Variants in DDX55 observed in about 807,000 individuals in gnomAD.
DDX55 encodes the protein DEAD-box helicase 55.
A neutral mutation model predicts 69.2 loss-of-function variants in DDX55; 56 were observed. That is an observed-to-expected ratio of 0.81 (90% CI 0.65 to 1.01). The LOEUF is 1.01. Among genes scored for constraint, DDX55 ranks in the 50% least tolerant of loss-of-function variants. The probability of loss-of-function intolerance (pLI) is 0.00; values close to 1 mark genes in which losing one functional copy is unlikely to be tolerated. For missense variants in DDX55, 720 were observed against 745.1 expected (o/e 0.97, Z 0.39); for synonymous variants, 268 against 273.1 (o/e 0.98, Z 0.18).
intron 3 of DDX55, 96 bp downstream of exon 3, chr12:123,606,255 G>C: frequency 6.9e-7 from 1 of 1,456,708 alleles, no homozygotes; most frequent in African/African-American, 1.4e-5. Context: ...TAGGCCAGAA[G>C]CCGTGGCTCA....
At chr12:123,616,680 A>C in intron 10 of DDX55, 77 bp downstream of exon 10, 1 of 1,438,620 alleles carries the variant, frequency 7.0e-7, no homozygotes, top group Non-Finnish European at 9.8e-7. Flanking sequence ...GAAGATAAAC[A>C]GATAATGATG....
In DDX55 at chr12:123,605,942, C is replaced by T; in HGVS notation, c.120C>T (p.Ile40=). 1 of 1,614,170 alleles carries T rather than the reference C, an allele frequency of 6.2e-7. No individual in the cohort carries two copies. The highest frequency in any genetic ancestry group is 8.5e-7 in the Non-Finnish European group (1 of 1,180,038). ...ATCTCTCTCTTTAGTCCGCAACCATCCCTCTGTTCATGCGAAACAAAGATG... is the reference window on the plus strand; with the variant it reads ...ATCTCTCTCTTTAGTCCGCAACCATTCCTCTGTTCATGCGAAACAAAGATG... ...PYMTPVQSAT[I]PLFMRNKDVA... The change falls in exon 2 of 14, where the codon ATC becomes ATT. Residue 40 remains isoleucine (I), a synonymous_variant. Transcript: ENST00000238146.
Position 123,618,709 on chromosome 12 carries a change from AC to A in DDX55, c.1207del (p.Leu403PhefsTer20). The stretch of plus-strand genomic sequence containing the variant: ...ATGAAGCCCCAGAGAAACACAGCGG[AC>A]CTTCTGCCAAAACTCAAGTCCATGG... ...QEMKPQRNTADLLPKLKSMAL... is the reference protein window; with the variant it reads ...QEMKPQRNTAXLLPKLKSMAL... On this transcript the variant is annotated frameshift_variant, in exon 12 of 14. Coordinates refer to ENST00000238146, the MANE Select transcript of DDX55 (RefSeq NM_020936.3). LOFTEE classifies it high-confidence loss of function. 2 of 1,614,120 alleles carry A rather than the reference AC, an allele frequency of 1.2e-6. No individual in the cohort carries two copies. Among genetic ancestry groups the A allele is most frequent in the South Asian group, 2.2e-5 (2 of 91,076 alleles).
intron 1 of DDX55, among the ~76,000 whole-genome samples, chr12:123,604,145 G>A (rs1275929873): frequency 1.3e-5 from 2 of 152,144 alleles, no homozygotes; most frequent in East Asian, 1.9e-4. Context: ...AGTGGCACCC[G>A]CCTGTAGTAC....
intron 11 of DDX55, 197 bp downstream of exon 11, chr12:123,618,069 T>G (rs1593750299): frequency 1.9e-6 from 1 of 516,858 alleles, no homozygotes; most frequent in Non-Finnish European, 3.4e-6. Flanking sequence ...CAGGCTGGAG[T>G]GCAATGGCAC....
intron 9 of DDX55, among the ~76,000 whole-genome samples, chr12:123,616,310 C>T (rs7308304): frequency 0.3 from 45,270 of 151,984 alleles, 7,444 homozygotes; most frequent in African/African-American, 0.41. Flanking sequence ...TGCTGTCTCT[C>T]ACCTCCCTCC....
chr12:123,606,004 G>A, intron 2 of DDX55, 23 bp downstream of exon 2: 2 of 1,614,146 alleles, frequency 1.2e-6, no homozygotes, highest in Non-Finnish European at 1.7e-6. Flanking sequence ...GGTATGTGCA[G>A]CCTGTCCTCG....
chr12:123,602,847 T>A (rs786429), intron 1 of DDX55, among the ~76,000 whole-genome samples: 128,526 of 152,172 alleles, frequency 0.84, 54,670 homozygotes, highest in East Asian at 0.97. Context: ...ACGGTTGTGA[T>A]AGTGTCGCGC....
chr12:123,617,705 C>T (rs1373039846), intron 10 of DDX55, 53 bp from the exon 11 acceptor site: 1 of 1,498,666 alleles, frequency 6.7e-7, no homozygotes, highest in African/African-American at 1.4e-5. Flanking sequence ...GGAGCCTGAG[C>T]TCTGTTCAGC....
At position 123,619,413 on chromosome 12, in the gene DDX55, G is replaced by C. The variant is rs1954980999; in HGVS notation, c.1334-19G>C. The C allele has an allele frequency of 6.2e-7, 1 of 1,602,664 alleles. No homozygotes were observed. The highest frequency in any genetic ancestry group is 8.5e-7 in the Non-Finnish European group (1 of 1,175,972). On this transcript the variant is annotated intron_variant, in intron 12 of 13. Transcript: ENST00000238146. ...TAATCCTGTTGAGTGCGCTAACTCT[G>C]ATCTTCTGATTGAATCAGATCTTGA...
intron 7 of DDX55, 31 bp from the exon 8 acceptor site, chr12:123,613,139 T>C (rs775405809): frequency 2.5e-6 from 4 of 1,609,242 alleles, no homozygotes; most frequent in Non-Finnish European, 2.6e-6. Context: ...GCCAAATATG[T>C]TTTTTATTAG....
At chr12:123,619,289 C>T (rs1954963862) in intron 12 of DDX55, 143 bp from the exon 13 acceptor site, 3 of 1,329,182 alleles carry the variant, frequency 2.3e-6, no homozygotes, top group Non-Finnish European at 3.0e-6. Flanking sequence ...AGGCGTGAGC[C>T]ACTGCACCCG....
rs1351707239 is a variant in DDX55, at chr12:123,610,145, G to C, written c.741+17G>C. 1 of 1,605,662 alleles carries C rather than the reference G, an allele frequency of 6.2e-7. No individual in the cohort carries two copies. On this transcript the variant is annotated intron_variant, in intron 7 of 13. Coordinates refer to ENST00000238146, the MANE Select transcript of DDX55 (RefSeq NM_020936.3). ...TACTACATGGTAAGCGCCTGGGCTTGCTTCTTACTCAGCGATAATGACCAG... is the reference window on the plus strand; with the variant it reads ...TACTACATGGTAAGCGCCTGGGCTTCCTTCTTACTCAGCGATAATGACCAG...
intron 1 of DDX55, among the ~76,000 whole-genome samples, 193 bp downstream of exon 1, chr12:123,602,449 C>G (rs1953623862): frequency 6.6e-6 from 1 of 152,202 alleles, no homozygotes; most frequent in Admixed American, 6.5e-5. Context: ...GCAGAGGGGC[C>G]GCGACCCACC....
At chr12:123,609,453 C>T (rs1030938370) in intron 6 of DDX55, among the ~76,000 whole-genome samples, 2 of 146,502 alleles carry the variant, frequency 1.4e-5, no homozygotes, top group Non-Finnish European at 1.5e-5. Context: ...CGGGTCATTG[C>T]GACCTTTACT....
chr12:123,603,929 A>T (rs987363754), intron 1 of DDX55, among the ~76,000 whole-genome samples: 2 of 151,940 alleles, frequency 1.3e-5, no homozygotes, highest in African/African-American at 4.8e-5. Flanking sequence ...CAGCCTTCCA[A>T]GTAGCTGGGG....
intron 1 of DDX55, among the ~76,000 whole-genome samples, chr12:123,602,470 G>T (rs937922428): frequency 1.3e-5 from 2 of 152,244 alleles, no homozygotes; most frequent in African/African-American, 2.4e-5. Context: ...CCGCCCTCGG[G>T]TGCTGTGGTC....
At chr12:123,618,473 T>A (rs932061672) in intron 11 of DDX55, 196 bp from the exon 12 acceptor site, 8 of 1,504,026 alleles carry the variant, frequency 5.3e-6, no homozygotes, top group Non-Finnish European at 6.3e-6. Context: ...TCATGTGAAA[T>A]CTGATTTTTA....
chr12:123,603,120 C>T (rs1566176284), intron 1 of DDX55, among the ~76,000 whole-genome samples: 1 of 152,110 alleles, frequency 6.6e-6, no homozygotes, highest in Non-Finnish European at 1.5e-5. Context: ...GCTTGGATTT[C>T]ATTCTAAATG....
Sources: gnomAD v4.1 joint callset for allele counts (sites outside exome capture counted in the v4.1 genomes callset) on GRCh38, gnomAD v4.1.1 for gene constraint, MANE v1.5 for transcripts, NCBI Gene and HGNC (gene_info 2026-07-23, HGNC 2026-07-21) for gene names.